TRPM3: variants seen among roughly 807,000 people sequenced by gnomAD.
TRPM3 encodes long transient receptor potential channel 3.
In TRPM3, 77 loss-of-function variants were observed where a neutral mutation model predicts 181.2. The observed-to-expected ratio is 0.42, with a 90% CI of 0.35 to 0.51. The LOEUF (loss-of-function observed/expected upper bound fraction) is 0.51. Ranked by LOEUF, TRPM3 falls within the 20% of genes least tolerant of loss-of-function variation. The pLI is 0.01. For synonymous variants in TRPM3, 745 were observed against 796.4 expected, an observed-to-expected ratio of 0.94 and a Z score of 1.09; for missense variants, 1,759 against 2,196.7, an observed-to-expected ratio of 0.80 and a Z score of 3.98.
chr9:70,629,223 G>C lies in TRPM3; in HGVS notation c.1633-3706C>G, dbSNP rs1261171016. Among the ~76,000 whole-genome samples, 6 of 89,078 alleles carry C rather than the reference G, an allele frequency of 6.7e-5. 1 individual carries two copies. The highest frequency in any genetic ancestry group is 2.1e-4 in the Admixed American group (2 of 9,678). 58.4% of individuals were successfully genotyped at this position (89,078 alleles called of 152,430 possible). On this transcript the variant is annotated intron_variant, in intron 12 of 25. Transcript: ENST00000677713. ...GATTCTGTGACCAGTGCCGGGGGGGGGGGGGGCCTGCGTTCTGTTTGACCA... is the reference window on the plus strand; with the variant it reads ...GATTCTGTGACCAGTGCCGGGGGGGCGGGGGGCCTGCGTTCTGTTTGACCA...
chr9:70,537,272 G>C lies in TRPM3; in HGVS notation c.3841C>G (p.Arg1281Gly), dbSNP rs772915063. The change falls in exon 26 of 26, where the codon CGC becomes GGC. Residue 1281 changes from arginine to glycine, a missense_variant. This residue lies in a region of TRPM3 where 612 missense variants were observed against 590.0 expected (regional missense o/e 1.04). Coordinates refer to ENST00000677713, the MANE Select transcript of TRPM3 (RefSeq NM_001366145.2). ...LIGRMATALE[R>G]LTGLERAESN... is the part of the protein sequence containing the mutation. Reference sequence around the variant, plus strand: ...TCGGCCCGCTCCAGACCTGTCAGGCGCTCCAGGGCCGTGGCCATGCGCCCG... The same window carrying C: ...TCGGCCCGCTCCAGACCTGTCAGGCCCTCCAGGGCCGTGGCCATGCGCCCG... The C allele has an allele frequency of 3.2e-6, 5 of 1,579,744 alleles. No individual in the cohort carries two copies. Among genetic ancestry groups the C allele is most frequent in the East Asian group, 2.3e-5 (1 of 44,166 alleles).
At chr9:71,143,123 C>G (rs2075214677) in intron 1 of TRPM3, among the ~76,000 whole-genome samples, 1 of 148,562 alleles carries the variant, frequency 6.7e-6, no homozygotes, top group African/African-American at 2.5e-5. Context: ...AGACCCTATC[C>G]CAAAAAAAAG....
intron 1 of TRPM3, among the ~76,000 whole-genome samples, chr9:70,882,305 T>C (rs1298092362): frequency 6.6e-6 from 1 of 152,116 alleles, no homozygotes; most frequent in Non-Finnish European, 1.5e-5. Flanking sequence ...TCTAGCAGAG[T>C]CATAAATCAG....
intron 1 of TRPM3, among the ~76,000 whole-genome samples, chr9:71,287,937 A>G (rs1487204513): frequency 6.6e-6 from 1 of 152,132 alleles, no homozygotes; most frequent in African/African-American, 2.4e-5. Flanking sequence ...ATTTACAGGT[A>G]TTACAAAATA....
intron 1 of TRPM3, among the ~76,000 whole-genome samples, chr9:71,235,565 A>G (rs1015859701): frequency 6.6e-6 from 1 of 152,230 alleles, no homozygotes; most frequent in African/African-American, 2.4e-5. Context: ...CAATTAAGAT[A>G]GTGTCTATGT....
At chr9:70,951,531 G>A (rs189898560) in intron 1 of TRPM3, among the ~76,000 whole-genome samples, 528 of 152,176 alleles carry the variant, frequency 3.5e-3, no homozygotes, top group Non-Finnish European at 5.0e-3. Flanking sequence ...TAGTAGAGAC[G>A]CGGTTTCATC....
chr9:70,585,664 T>A (rs1014645303), intron 22 of TRPM3, among the ~76,000 whole-genome samples: 16 of 152,192 alleles, frequency 1.1e-4, no homozygotes, highest in Non-Finnish European at 1.9e-4. Flanking sequence ...TATCACCCTC[T>A]GCACCATCTG....
At chr9:71,116,771 G>A (rs116593443) in intron 1 of TRPM3, among the ~76,000 whole-genome samples, 1,868 of 152,160 alleles carry the variant, frequency 0.012, 34 homozygotes, top group African/African-American at 0.042. Context: ...AATTTACTAT[G>A]TAAAACTCTA....
At chr9:71,174,765 A>G (rs1165338835) in intron 1 of TRPM3, among the ~76,000 whole-genome samples, 2 of 152,116 alleles carry the variant, frequency 1.3e-5, no homozygotes, top group African/African-American at 2.4e-5. Context: ...TGAATTCAGT[A>G]TGGTTCGAAG....
intron 1 of TRPM3, among the ~76,000 whole-genome samples, chr9:71,321,351 T>G (rs191888811): frequency 5.3e-5 from 8 of 152,186 alleles, no homozygotes; most frequent in African/African-American, 1.7e-4. Flanking sequence ...TCATCTGTGG[T>G]CTTTGCCTTT....
chr9:70,760,578 A>G, intron 8 of TRPM3: 1 of 151,204 alleles, frequency 6.6e-6, no homozygotes, highest in South Asian at 2.1e-4. Flanking sequence ...CACTCATCTC[A>G]TCCCAAACCT....
intron 1 of TRPM3, among the ~76,000 whole-genome samples, chr9:71,259,031 C>T (rs1487998333): frequency 6.6e-6 from 1 of 152,130 alleles, no homozygotes; most frequent in Non-Finnish European, 1.5e-5. Flanking sequence ...TCTCCTAATG[C>T]TATCCCTCCC....
chr9:70,866,432 T>C (rs2095650990), intron 1 of TRPM3, among the ~76,000 whole-genome samples: 1 of 152,058 alleles, frequency 6.6e-6, no homozygotes, highest in African/African-American at 2.4e-5. Flanking sequence ...AGTGGGACAC[T>C]GTGACCTGGA....
At chr9:71,211,094 A>G (rs2079468864) in intron 1 of TRPM3, among the ~76,000 whole-genome samples, 2 of 152,190 alleles carry the variant, frequency 1.3e-5, no homozygotes, top group African/African-American at 4.8e-5. Flanking sequence ...ATTCCCTGGC[A>G]GACTTTTCCT....
At chr9:71,087,410 C>T (rs2065459827) in intron 1 of TRPM3, among the ~76,000 whole-genome samples, 1 of 152,056 alleles carries the variant, frequency 6.6e-6, no homozygotes. Flanking sequence ...TCCTCTTGTT[C>T]TATCACTGCC....
chr9:71,280,929 T>A (rs1287506086), intron 1 of TRPM3, among the ~76,000 whole-genome samples: 1 of 152,230 alleles, frequency 6.6e-6, no homozygotes, highest in Non-Finnish European at 1.5e-5. Flanking sequence ...GCTTCCATTA[T>A]AGCATTTATC....
intron 1 of TRPM3, among the ~76,000 whole-genome samples, chr9:71,424,192 CA>C (rs536639332): frequency 3.3e-5 from 5 of 152,136 alleles, no homozygotes; most frequent in Non-Finnish European, 7.4e-5. Context: ...ACCATTTCTT[CA>C]CTTCATTGTA....
chr9:70,867,337 C>T (rs1024093229), intron 1 of TRPM3, among the ~76,000 whole-genome samples: 2 of 152,166 alleles, frequency 1.3e-5, no homozygotes, highest in Non-Finnish European at 2.9e-5. Context: ...ATTTCTCTTG[C>T]TCATGGATCC....
chr9:70,970,665 A>G (rs933758375), intron 1 of TRPM3, among the ~76,000 whole-genome samples: 7 of 152,174 alleles, frequency 4.6e-5, no homozygotes, highest in African/African-American at 1.2e-4. Context: ...TAAACTGTAA[A>G]AGACTGAAGT....
Sources: allele counts gnomAD v4.1 joint callset (sites outside exome capture counted in the v4.1 genomes callset), GRCh38; gene constraint gnomAD v4.1.1; regional missense constraint gnomAD v4.1.1; transcripts MANE v1.5; gene names NCBI Gene and HGNC (gene_info 2026-07-23, HGNC 2026-07-21).